Variants in ITPR2 observed in about 807,000 individuals in gnomAD.
ITPR2 encodes inositol 1,4,5-trisphosphate-gated calcium channel ITPR2.
In ITPR2, 207 loss-of-function variants were observed where a neutral mutation model predicts 317.1. The observed-to-expected ratio is 0.65, with a 90% CI of 0.58 to 0.73. ITPR2 has a LOEUF of 0.73. Ranked by LOEUF, ITPR2 falls within the 30% of genes least tolerant of loss-of-function variation. ITPR2 has a pLI of 0.00. For synonymous variants in ITPR2, 1,156 were observed against 1,149.1 expected (o/e 1.01, Z -0.12); for missense variants, 2,613 against 3,284.0 (o/e 0.80, Z 4.99).
rs117469414 is a variant in ITPR2 at position 26,447,304 on chromosome 12, A to T, written c.6343-3654T>A. 5.3e-5 allele frequency among the ~76,000 whole-genome samples: 8 copies of T among 152,232 alleles called. No individual in the cohort carries two copies. In the East Asian group the frequency reaches 1.4e-3, roughly 26 times the overall value. On this transcript the variant is annotated intron_variant, in intron 45 of 56. Transcript: ENST00000381340. ...AATAAATCTGATTAGAAATCAGATG[A>T]TGGTACAAATTCCAGTATTTGTAGA...
Position 26,622,409 on chromosome 12 carries a change from T to G in ITPR2, c.3123-4A>C. The G allele has an allele frequency of 6.3e-7, 1 of 1,595,420 alleles. No homozygotes were observed. Among genetic ancestry groups the G allele is most frequent in the Non-Finnish European group, 8.5e-7 (1 of 1,172,366 alleles). The stretch of plus-strand genomic sequence containing the variant: ...TTGAACTGGATTTTTTTCTTTTCTA[T>G]AAAACCAAAAACATTTCTAAAGTGA... On this transcript the variant is annotated splice_region_variant and splice_polypyrimidine_tract_variant and intron_variant, in intron 24 of 56. Transcript: ENST00000381340.
At chr12:26,641,602 G>A (rs1946990748) in intron 21 of ITPR2, among the ~76,000 whole-genome samples, 1 of 152,090 alleles carries the variant, frequency 6.6e-6, no homozygotes, top group African/African-American at 2.4e-5. Flanking sequence ...TATCCGACAC[G>A]CTGGACTGCA....
At chr12:26,654,164 A>G in intron 20 of ITPR2, 38 bp from the exon 21 acceptor site, 1 of 1,503,666 alleles carries the variant, frequency 6.7e-7, no homozygotes, top group South Asian at 1.3e-5. Context: ...GGGAGGGTGA[A>G]AGAGTGGAAA....
intron 9 of ITPR2, among the ~76,000 whole-genome samples, chr12:26,706,345 AC>A (rs1565707147): frequency 6.6e-6 from 1 of 152,084 alleles, no homozygotes; most frequent in Non-Finnish European, 1.5e-5. Flanking sequence ...TAAAGATAAA[AC>A]CCATTCTCCT....
chr12:26,649,492 C>T (rs1473260649), intron 21 of ITPR2: 1 of 152,112 alleles, frequency 6.6e-6, no homozygotes. Flanking sequence ...ATCCAGGATC[C>T]AGTACTGAAT....
At chr12:26,784,255 AT>A (rs1950148703) in intron 2 of ITPR2, among the ~76,000 whole-genome samples, 2 of 103,042 alleles carry the variant, frequency 1.9e-5, no homozygotes, top group African/African-American at 8.5e-5. Context: ...AAAATGGAGA[AT>A]CTCCCTCTCC....
chr12:26,771,144 CA>C (rs1169416545), intron 2 of ITPR2, among the ~76,000 whole-genome samples: 2 of 152,172 alleles, frequency 1.3e-5, no homozygotes, highest in Non-Finnish European at 2.9e-5. Flanking sequence ...CTAATAATGT[CA>C]CACTTATAGT....
In ITPR2 at chr12:26,595,603, C is replaced by A. The variant is rs1328341632; in HGVS notation, c.4255-13G>T. On this transcript the variant is annotated splice_polypyrimidine_tract_variant and intron_variant, in intron 31 of 56. Coordinates refer to ENST00000381340, the MANE Select transcript of ITPR2 (RefSeq NM_002223.4). ...AAGCAATTTTAACCTGTGCAAGTTT[C>A]AAATACAAAAGAAAGTTAGTTTTCT... The A allele has an allele frequency of 1.1e-5, 17 of 1,532,570 alleles. No individual in the cohort carries two copies. In the East Asian group the frequency reaches 3.9e-4, roughly 35 times the overall value. 94.9% of individuals were successfully genotyped at this position (1,532,570 alleles called of 1,614,324 possible). A position where few individuals can be genotyped will look rare whatever the true frequency, so the allele number is the denominator to read the frequency against.
At chr12:26,394,699 G>A (rs559552779) in intron 54 of ITPR2, among the ~76,000 whole-genome samples, 1 of 152,278 alleles carries the variant, frequency 6.6e-6, no homozygotes, top group South Asian at 2.1e-4. Flanking sequence ...TTTGAGTAAG[G>A]AAATGATTAA....
chr12:26,427,870 T>G, intron 49 of ITPR2, 43 bp downstream of exon 49: 3 of 1,290,682 alleles, frequency 2.3e-6, no homozygotes, highest in Non-Finnish European at 3.1e-6. Context: ...CATACACTTT[T>G]AAACTAATTC....
chr12:26,753,040 T>C (rs1342242212), intron 2 of ITPR2, among the ~76,000 whole-genome samples: 1 of 152,088 alleles, frequency 6.6e-6, no homozygotes, highest in East Asian at 1.9e-4. Flanking sequence ...ACTGATTCAA[T>C]AACTCTGGGT....
At chr12:26,409,860 T>C (rs1940482441) in intron 52 of ITPR2, among the ~76,000 whole-genome samples, 1 of 152,108 alleles carries the variant, frequency 6.6e-6, no homozygotes, top group African/African-American at 2.4e-5. Context: ...ACTGGTCAAA[T>C]TGCGACGACC....
chr12:26,416,389 T>C (rs566352895), intron 50 of ITPR2, among the ~76,000 whole-genome samples: 101 of 152,312 alleles, frequency 6.6e-4, no homozygotes, highest in African/African-American at 2.4e-3. Context: ...AAGGTATAAA[T>C]ATCTGTTTGG....
At chr12:26,464,982 C>G (rs933381624) in intron 45 of ITPR2, among the ~76,000 whole-genome samples, 1 of 152,114 alleles carries the variant, frequency 6.6e-6, no homozygotes, top group Non-Finnish European at 1.5e-5. Context: ...CCTGAGCAAG[C>G]AGTTGGAGGA....
intron 47 of ITPR2, 68 bp downstream of exon 47, chr12:26,439,059 T>C (rs1941426241): frequency 2.2e-6 from 2 of 918,024 alleles, no homozygotes; most frequent in South Asian, 1.7e-5. Flanking sequence ...AGCTGCATCA[T>C]GTGTCCCAAA....
At position 26,439,234 on chromosome 12, in the gene ITPR2, C is replaced by T. The variant is rs891803501; in HGVS notation, c.6536G>A (p.Arg2179His). ...ATCCCTTTCAGTTGTATTGAACACA[C>T]GGCACTTGGATTCTCGAGTGAGGTA... ...CEYLTRESKC[R>H]VFNTTERDEQ... The change falls in exon 47 of 57, where the codon CGT becomes CAT. Residue 2179 changes from arginine to histidine, a missense_variant. Arg to His is a conservative substitution (Grantham distance 29). Around this residue, in one of 9 missense-constraint regions of ITPR2, gnomAD observed 926 missense variants for 1,072.8 expected, o/e 0.86. Transcript: ENST00000381340. The T allele has an allele frequency of 3.1e-6, 5 of 1,612,570 alleles. No homozygotes were observed. The highest frequency in any genetic ancestry group is 1.3e-5 in the African/African-American group (1 of 74,884).
chr12:26,596,755 A>T, intron 31 of ITPR2, 128 bp downstream of exon 31: 1 of 689,380 alleles, frequency 1.5e-6, no homozygotes. Flanking sequence ...TTATATAGTT[A>T]AATACAATTC....
chr12:26,503,619 C>T (rs1307732174), intron 37 of ITPR2, among the ~76,000 whole-genome samples: 1 of 152,154 alleles, frequency 6.6e-6, no homozygotes, highest in Admixed American at 6.5e-5. Context: ...CTGGGTTCTT[C>T]CACTTATTGG....
chr12:26,615,508 AC>A, intron 26 of ITPR2, among the ~76,000 whole-genome samples: 1 of 152,326 alleles, frequency 6.6e-6, no homozygotes, highest in Non-Finnish European at 1.5e-5. Flanking sequence ...AAGGAAATGA[AC>A]AGATATGTAC....
Sources: allele counts gnomAD v4.1 joint callset (sites outside exome capture counted in the v4.1 genomes callset), GRCh38; gene constraint gnomAD v4.1.1; regional missense constraint gnomAD v4.1.1; transcripts MANE v1.5; gene names NCBI Gene and HGNC (gene_info 2026-07-23, HGNC 2026-07-21).